SLC24A2: variants seen among roughly 807,000 people sequenced by gnomAD.
The protein encoded by SLC24A2 is solute carrier family 24 member 2.
In SLC24A2, 36 loss-of-function variants were observed where a neutral mutation model predicts 62.0. The observed-to-expected ratio is 0.58, with a 90% CI of 0.44 to 0.77. The LOEUF is 0.77. Ranked by LOEUF, SLC24A2 falls within the 30% of genes least tolerant of loss-of-function variation. The pLI is 0.00. For missense variants in SLC24A2, 846 were observed against 817.9 expected (o/e 1.03, Z -0.42); for synonymous variants, 358 against 294.0 (o/e 1.22, Z -2.23).
At chr9:20,123,362 G>A in the SLC24A2 span, among the ~76,000 whole-genome samples, 1 of 152,162 alleles carries the variant, frequency 6.6e-6, no homozygotes, top group African/African-American at 2.4e-5. Context: ...TCAACATTCA[G>A]ATCATAGTTT....
chr9:20,225,682 T>C, the SLC24A2 span, among the ~76,000 whole-genome samples: 1 of 147,358 alleles, frequency 6.8e-6, no homozygotes, highest in Admixed American at 7.0e-5. Context: ...GAGGAAGTCA[T>C]TTGTTTCCTC....
chr9:19,620,978 A>G (rs1201942650), intron 3 of SLC24A2, among the ~76,000 whole-genome samples: 1 of 152,092 alleles, frequency 6.6e-6, no homozygotes, highest in East Asian at 1.9e-4. Flanking sequence ...TCAAATACAT[A>G]TTGGATATAT....
chr9:19,788,637 C>G (rs1823249960), intron 1 of SLC24A2: 4 of 985,344 alleles, frequency 4.1e-6, no homozygotes, highest in Non-Finnish European at 4.8e-6. Context: ...CGCGTCTCCC[C>G]CGACGGCAGG....
the SLC24A2 span, among the ~76,000 whole-genome samples, chr9:20,272,109 C>T: frequency 6.6e-6 from 1 of 152,300 alleles, no homozygotes; most frequent in African/African-American, 2.4e-5. Flanking sequence ...GCCTGAAATG[C>T]CAATTATACA....
the SLC24A2 span, among the ~76,000 whole-genome samples, chr9:20,027,542 G>A: frequency 6.6e-6 from 1 of 152,114 alleles, no homozygotes; most frequent in African/African-American, 2.4e-5. Flanking sequence ...AGTAAAATAA[G>A]CCAAATCCAG....
At position 19,516,031 on chromosome 9, in the gene SLC24A2, A is replaced by G. The variant is rs988049947; in HGVS notation, c.*122T>C. On this transcript the variant is annotated 3_prime_UTR_variant, in exon 11 of 11. Transcript: ENST00000341998. Reference sequence around the variant, plus strand: ...AATCCATCTCTCCTCAAATTCACCAAGGAGGGACACTTGGCACCCAGGGCT... The same window carrying G: ...AATCCATCTCTCCTCAAATTCACCAGGGAGGGACACTTGGCACCCAGGGCT... 3 of 1,236,642 alleles carry G rather than the reference A, an allele frequency of 2.4e-6. No homozygotes were observed. Among genetic ancestry groups the G allele is most frequent in the African/African-American group, 1.5e-5 (1 of 67,404 alleles). The allele number at this position is 1,236,642 out of a possible 1,614,324, so 76.6% of individuals were successfully genotyped here.
chr9:19,853,687 T>A, the SLC24A2 span, among the ~76,000 whole-genome samples: 1 of 152,162 alleles, frequency 6.6e-6, no homozygotes, highest in African/African-American at 2.4e-5. Context: ...AAGCTTTTTT[T>A]ATGTGCTGGT....
chr9:19,757,894 G>C (rs951066298), intron 2 of SLC24A2, among the ~76,000 whole-genome samples: 6 of 152,028 alleles, frequency 3.9e-5, no homozygotes, highest in Admixed American at 6.6e-5. Flanking sequence ...GTTCCCTCTA[G>C]AGTGGGTTGT....
intron 2 of SLC24A2, among the ~76,000 whole-genome samples, chr9:19,716,966 G>A (rs568609279): frequency 3.9e-5 from 6 of 152,198 alleles, no homozygotes; most frequent in African/African-American, 1.4e-4. Flanking sequence ...ACATTCATTG[G>A]TTCCACCACT....
At chr9:19,659,766 T>G (rs1239256603) in intron 2 of SLC24A2, among the ~76,000 whole-genome samples, 1 of 152,140 alleles carries the variant, frequency 6.6e-6, no homozygotes, top group African/African-American at 2.4e-5. Context: ...TTAAGTGAGC[T>G]GATTTCCTGA....
chr9:20,097,550 A>G, the SLC24A2 span, among the ~76,000 whole-genome samples: 20 of 151,912 alleles, frequency 1.3e-4, no homozygotes. Flanking sequence ...AGTTCTTATA[A>G]CTCTGAACCC....
chr9:20,277,987 C>G, the SLC24A2 span, among the ~76,000 whole-genome samples: 3 of 152,036 alleles, frequency 2.0e-5, no homozygotes, highest in African/African-American at 7.2e-5. Context: ...ACCACAAAGA[C>G]AGAAAACCAA....
intron 2 of SLC24A2, among the ~76,000 whole-genome samples, chr9:19,662,165 G>C (rs1219575215): frequency 1.3e-5 from 2 of 151,990 alleles, no homozygotes; most frequent in Non-Finnish European, 2.9e-5. Flanking sequence ...ACAAGAAACA[G>C]GTAAAAATAA....
the SLC24A2 span, among the ~76,000 whole-genome samples, chr9:19,978,919 C>T: frequency 6.6e-6 from 1 of 152,084 alleles, no homozygotes; most frequent in Non-Finnish European, 1.5e-5. Context: ...ATGCCTATAT[C>T]CTGGTGGAAG....
chr9:20,021,797 A>T, the SLC24A2 span, among the ~76,000 whole-genome samples: 1 of 151,930 alleles, frequency 6.6e-6, no homozygotes, highest in Non-Finnish European at 1.5e-5. Context: ...TCAGTATATT[A>T]TTAGCAGGAG....
intron 4 of SLC24A2, among the ~76,000 whole-genome samples, chr9:19,615,297 A>G (rs925034074): frequency 1.3e-5 from 2 of 152,246 alleles, no homozygotes; most frequent in African/African-American, 4.8e-5. Context: ...GGTGAACACC[A>G]GTGACATGAA....
At chr9:20,095,256 T>C in the SLC24A2 span, among the ~76,000 whole-genome samples, 5 of 152,214 alleles carry the variant, frequency 3.3e-5, no homozygotes, top group Non-Finnish European at 5.9e-5. Flanking sequence ...TAATTTCTAA[T>C]ATGGTAAACA....
At chr9:19,595,838 A>T (rs532903113) in intron 5 of SLC24A2, among the ~76,000 whole-genome samples, 1 of 152,160 alleles carries the variant, frequency 6.6e-6, no homozygotes, top group Non-Finnish European at 1.5e-5. Flanking sequence ...GGATGCTAAC[A>T]AACTCCCCCT....
At chr9:19,626,260 A>T (rs1403126804) in intron 2 of SLC24A2, among the ~76,000 whole-genome samples, 1 of 152,218 alleles carries the variant, frequency 6.6e-6, no homozygotes, top group East Asian at 1.9e-4. Context: ...CACACATAAA[A>T]ATTAGGCCAA....
Sources: gnomAD v4.1 joint callset for allele counts (sites outside exome capture counted in the v4.1 genomes callset) on GRCh38, gnomAD v4.1.1 for gene constraint, MANE v1.5 for transcripts, NCBI Gene and HGNC (gene_info 2026-07-23, HGNC 2026-07-21) for gene names.